Variants in SCAMP1 observed in about 807,000 individuals in gnomAD.
SCAMP1 encodes the protein secretory carrier-associated membrane protein 1.
SCAMP1 carries 15 observed loss-of-function variants against 41.8 expected under a neutral mutation model. The observed-to-expected ratio is 0.36, with a 90% CI of 0.24 to 0.55. The LOEUF (loss-of-function observed/expected upper bound fraction) is 0.55. SCAMP1 is among the 20% of genes least tolerant of loss of function. The probability of loss-of-function intolerance (pLI) is 0.86; values close to 1 mark genes in which losing one functional copy is unlikely to be tolerated. For missense variants in SCAMP1, 341 were observed against 412.6 expected, an observed-to-expected ratio of 0.83 and a Z score of 1.50; for synonymous variants, 135 against 136.8, an observed-to-expected ratio of 0.99 and a Z score of 0.09.
chr5:78,388,761 C>G (rs1751411163), intron 1 of SCAMP1, 76 bp from the exon 2 acceptor site: 1 of 745,358 alleles, frequency 1.3e-6, no homozygotes, highest in Admixed American at 2.7e-5. Flanking sequence ...ATAGATAAAG[C>G]AAATGGTATG....
chr5:78,439,546 A>G (rs746668387), intron 6 of SCAMP1, among the ~76,000 whole-genome samples: 18 of 151,952 alleles, frequency 1.2e-4, no homozygotes, highest in African/African-American at 7.3e-5. Flanking sequence ...ATTGGCCCCT[A>G]CTCTCTTCTG....
intron 7 of SCAMP1, among the ~76,000 whole-genome samples, chr5:78,456,574 C>G (rs1457271383): frequency 6.6e-6 from 1 of 150,772 alleles, no homozygotes; most frequent in East Asian, 2.0e-4. Context: ...TGATGGGCTT[C>G]CCTTTGAGGG....
intron 2 of SCAMP1, among the ~76,000 whole-genome samples, chr5:78,402,201 T>C (rs948377296): frequency 1.3e-5 from 2 of 152,126 alleles, no homozygotes; most frequent in African/African-American, 4.8e-5. Context: ...TATTTGTTTT[T>C]TTTTTTTTAA....
chr5:78,405,037 C>G (rs938629337), intron 2 of SCAMP1, among the ~76,000 whole-genome samples: 4 of 152,250 alleles, frequency 2.6e-5, no homozygotes, highest in African/African-American at 9.6e-5. Context: ...AGCTTTTGCT[C>G]TGGCAAATTG....
Position 78,394,823 on chromosome 5 carries a change from T to C in SCAMP1, c.135+5909T>C, listed in dbSNP as rs535794449. Among the ~76,000 whole-genome samples, 4 of 152,338 alleles carry C rather than the reference T, an allele frequency of 2.6e-5. No homozygotes were observed. In the South Asian group the frequency reaches 8.3e-4, roughly 32 times the overall value. ...ACATCCTAGTATCGTTGGCTAGAAA[T>C]ACCCGATTTGTCTTTGGCGCTAACA... On this transcript the variant is annotated intron_variant, in intron 2 of 8. Coordinates refer to ENST00000621999, the MANE Select transcript of SCAMP1 (RefSeq NM_004866.6).
chr5:78,459,440 G>A (rs888974074), intron 8 of SCAMP1, 78 bp downstream of exon 8: 1 of 745,930 alleles, frequency 1.3e-6, no homozygotes, highest in African/African-American at 1.8e-5. Context: ...CTATAATTTG[G>A]TGTAACCTGA....
intron 2 of SCAMP1, among the ~76,000 whole-genome samples, chr5:78,409,391 A>G (rs1036431961): frequency 6.8e-6 from 1 of 148,082 alleles, no homozygotes; most frequent in African/African-American, 2.5e-5. Flanking sequence ...ATATTTATAT[A>G]TATATAGATA....
intron 8 of SCAMP1, among the ~76,000 whole-genome samples, chr5:78,472,283 C>T (rs1561291822): frequency 1.3e-5 from 2 of 151,890 alleles, no homozygotes; most frequent in Non-Finnish European, 2.9e-5. Context: ...GATACATGTG[C>T]AGAACATGCA....
chr5:78,388,382 C>T (rs4360024), intron 1 of SCAMP1, among the ~76,000 whole-genome samples: 144,946 of 152,346 alleles, frequency 0.95, 69,164 homozygotes, highest in Non-Finnish European at 0.97. Context: ...ACAAGAGTTA[C>T]TTAATATTGA....
At chr5:78,475,462 A>C in intron 8 of SCAMP1, 42 bp from the exon 9 acceptor site, 1 of 1,449,746 alleles carries the variant, frequency 6.9e-7, no homozygotes, top group East Asian at 2.4e-5. Flanking sequence ...ATGAATGCGT[A>C]GGTTGCTACT....
chr5:78,406,499 A>G lies in SCAMP1; in HGVS notation c.136-9021A>G, dbSNP rs1751938634. Among the ~76,000 whole-genome samples the G allele has an allele frequency of 4.6e-5, 7 of 152,208 alleles. No homozygotes were observed. In the South Asian group the frequency reaches 1.4e-3, roughly 32 times the overall value. On this transcript the variant is annotated intron_variant, in intron 2 of 8. Transcript: ENST00000621999. ...TGCTTATGCATGACAAAGACAACTCATGAACTTCCTGTGCCTTGAAGAGAC... is the reference window on the plus strand; with the variant it reads ...TGCTTATGCATGACAAAGACAACTCGTGAACTTCCTGTGCCTTGAAGAGAC...
Position 78,459,377 on chromosome 5 carries a change from A to G in SCAMP1, c.852+15A>G, listed in dbSNP as rs540377627. 3.1e-6 allele frequency: 4 copies of G among 1,277,910 alleles called. No homozygotes were observed. In the Admixed American group the frequency reaches 5.5e-5, roughly 18 times the overall value. The allele number at this position is 1,277,910 out of a possible 1,614,324, so 79.2% of individuals were successfully genotyped here. ...TGTTCAAAAAAGTAAGTGAAATTTT[A>G]TGTCTAAATTTTTATAGTGAACGTG... On this transcript the variant is annotated intron_variant, in intron 8 of 8. Transcript: ENST00000621999.
intron 8 of SCAMP1, among the ~76,000 whole-genome samples, chr5:78,462,155 C>CTTA (rs1753633097): frequency 1.3e-5 from 2 of 151,132 alleles, no homozygotes; most frequent in Non-Finnish European, 2.9e-5. Flanking sequence ...TTATGGAGTT[C>CTTA]TTTCACCTTC....
intron 6 of SCAMP1, among the ~76,000 whole-genome samples, chr5:78,442,007 T>C (rs2112190560): frequency 6.6e-6 from 1 of 152,296 alleles, no homozygotes; most frequent in East Asian, 1.9e-4. Context: ...CATGTGCCTG[T>C]AGTCCCAGCT....
rs147455716 is a variant in SCAMP1, at chr5:78,465,246, C to T, written c.852+5884C>T. On this transcript the variant is annotated intron_variant, in intron 8 of 8. Transcript: ENST00000621999. ...GGGTACGCAGCTGTTAAGCACCCCC[C>T]GCGTGAACAAGTCTTTTAGCATTGG... Among the ~76,000 whole-genome samples the T allele has an allele frequency of 2.6e-3, 400 of 152,230 alleles. 3 individuals carry two copies. Among genetic ancestry groups the T allele is most frequent in the African/African-American group, 8.9e-3 (371 of 41,552 alleles).
intron 6 of SCAMP1, among the ~76,000 whole-genome samples, chr5:78,428,718 A>T (rs1003145860): frequency 1.5e-4 from 23 of 152,088 alleles, no homozygotes; most frequent in Non-Finnish European, 3.2e-4. Flanking sequence ...GGGAGAATTA[A>T]TACCCTGACA....
chr5:78,416,749 C>T (rs1278686508), intron 4 of SCAMP1, 100 bp downstream of exon 4: 12 of 777,146 alleles, frequency 1.5e-5, no homozygotes, highest in Non-Finnish European at 2.5e-5. Context: ...AAAACCCTAC[C>T]CTGTTTTCCT....
intron 6 of SCAMP1, among the ~76,000 whole-genome samples, chr5:78,423,012 GCGCGCACACA>G (rs1299993044): frequency 2.2e-3 from 329 of 150,924 alleles, no homozygotes; most frequent in African/African-American, 7.7e-3. Flanking sequence ...ACACACGCGC[GCGCGCACACA>G]CACACACACA....
At chr5:78,434,307 T>C (rs559010461) in intron 6 of SCAMP1, among the ~76,000 whole-genome samples, 1 of 152,352 alleles carries the variant, frequency 6.6e-6, no homozygotes, top group African/African-American at 2.4e-5. Flanking sequence ...GCTAGTCTTT[T>C]ATCTCTCTTT....
Sources: allele counts gnomAD v4.1 joint callset (sites outside exome capture counted in the v4.1 genomes callset), GRCh38; gene constraint gnomAD v4.1.1; transcripts MANE v1.5; gene names NCBI Gene and HGNC (gene_info 2026-07-23, HGNC 2026-07-21).